The following ABTB2 variants were observed in gnomAD, a reference collection of about 807,000 sequenced individuals.
ABTB2 encodes ankyrin repeat and BTB/POZ domain-containing protein 2.
A neutral mutation model predicts 104.1 loss-of-function variants in ABTB2; 56 were observed. That is an observed-to-expected ratio of 0.54 (90% CI 0.43 to 0.67). The LOEUF is 0.67. Ranked by LOEUF, ABTB2 falls within the 30% of genes least tolerant of loss-of-function variation. The probability of loss-of-function intolerance (pLI) is 0.00; values close to 1 mark genes in which losing one functional copy is unlikely to be tolerated. For missense variants in ABTB2, 1,279 were observed against 1,407.7 expected (o/e 0.91, Z 1.46); for synonymous variants, 606 against 608.2 (o/e 1.00, Z 0.05).
chr11:34,303,164 G>A (rs577276182), intron 1 of ABTB2, among the ~76,000 whole-genome samples: 7 of 152,278 alleles, frequency 4.6e-5, no homozygotes, highest in Middle Eastern at 3.4e-3. Flanking sequence ...GATGGCAGTA[G>A]TCAGCTCACT....
intron 1 of ABTB2, among the ~76,000 whole-genome samples, chr11:34,308,887 AGAAAAG>A (rs1372714874): frequency 1.3e-5 from 2 of 149,302 alleles, no homozygotes; most frequent in Admixed American, 1.3e-4. Flanking sequence ...AAAAAAAAAA[AGAAAAG>A]AGAAAGAAAG....
chr11:34,272,137 A>T (rs1023891607), intron 1 of ABTB2, among the ~76,000 whole-genome samples: 1 of 152,232 alleles, frequency 6.6e-6, no homozygotes, highest in Non-Finnish European at 1.5e-5. Flanking sequence ...AGATAATGAT[A>T]GTACCCACAT....
intron 1 of ABTB2, among the ~76,000 whole-genome samples, chr11:34,270,340 C>CTTT (rs35884906): frequency 5.1e-5 from 7 of 137,412 alleles, no homozygotes; most frequent in African/African-American, 1.6e-4. Flanking sequence ...GACGGTTTTC[C>CTTT]TTTTTTTTTT....
At chr11:34,183,934 C>CG (rs34123328) in intron 3 of ABTB2, among the ~76,000 whole-genome samples, 1 of 152,100 alleles carries the variant, frequency 6.6e-6, no homozygotes, top group African/African-American at 2.4e-5. Flanking sequence ...AAACAAAAAA[C>CG]GGGGAGTTTT....
chr11:34,195,265 T>C (rs1853241066), intron 3 of ABTB2, among the ~76,000 whole-genome samples: 1 of 152,232 alleles, frequency 6.6e-6, no homozygotes, highest in Non-Finnish European at 1.5e-5. Flanking sequence ...GCAAGCCTCC[T>C]GCCTCTTCCT....
chr11:34,285,723 A>G (rs1336396811), intron 1 of ABTB2, among the ~76,000 whole-genome samples: 3 of 152,184 alleles, frequency 2.0e-5, no homozygotes, highest in Non-Finnish European at 4.4e-5. Context: ...CCACTCTCCC[A>G]GCATGGGCCT....
At chr11:34,295,753 T>G (rs530404473) in intron 1 of ABTB2, among the ~76,000 whole-genome samples, 18 of 152,260 alleles carry the variant, frequency 1.2e-4, no homozygotes, top group African/African-American at 4.3e-4. Context: ...TGGGTTCTGG[T>G]GAGGGCCCTC....
chr11:34,265,109 C>T (rs1363836018), intron 1 of ABTB2, among the ~76,000 whole-genome samples: 2 of 152,210 alleles, frequency 1.3e-5, no homozygotes, highest in East Asian at 3.8e-4. Flanking sequence ...GTCTATCCTT[C>T]CTAAGGAAGA....
At chr11:34,181,386 C>T (rs1235331556) in intron 3 of ABTB2, among the ~76,000 whole-genome samples, 1 of 152,198 alleles carries the variant, frequency 6.6e-6, no homozygotes, top group Non-Finnish European at 1.5e-5. Context: ...AGGCTCTGTT[C>T]TTCCCCGGGG....
At chr11:34,271,039 G>A (rs1854308123) in intron 1 of ABTB2, among the ~76,000 whole-genome samples, 1 of 152,130 alleles carries the variant, frequency 6.6e-6, no homozygotes, top group African/African-American at 2.4e-5. Context: ...TGATGGAGAT[G>A]AGACAGGGAG....
Position 34,173,177 on chromosome 11 carries a change from C to T in ABTB2, c.1375G>A (p.Asp459Asn), listed in dbSNP as rs1852909024. Residue 459 changes from aspartate to asparagine, a missense_variant, in exon 4 of 17, where the codon GAC becomes AAC. Asp to Asn is a conservative substitution (Grantham distance 23). Transcript: ENST00000435224. ...TACTTGAGCTGCCGAGGTTCACAGT[C>T]CAGACCAGGCAGCAGCAGCCGGGCT... ...QAARLLLPGLDCEPRQLKPEH... is the reference protein window; with the variant it reads ...QAARLLLPGLNCEPRQLKPEH... 4 of 1,613,692 alleles carry T rather than the reference C, an allele frequency of 2.5e-6. No homozygotes were observed. The highest frequency in any genetic ancestry group is 1.7e-5 in the Admixed American group (1 of 59,996).
At chr11:34,319,562 T>C (rs1416289990) in intron 1 of ABTB2, among the ~76,000 whole-genome samples, 1 of 152,256 alleles carries the variant, frequency 6.6e-6, no homozygotes, top group Non-Finnish European at 1.5e-5. Context: ...CAGCCAGACC[T>C]GAGCGTGAGC....
chr11:34,165,211 G>T (rs1207272801), intron 8 of ABTB2, 49 bp downstream of exon 8: 19 of 1,485,376 alleles, frequency 1.3e-5, no homozygotes. Context: ...CCAGGCTGGG[G>T]GGCACTGCAG....
intron 3 of ABTB2, among the ~76,000 whole-genome samples, chr11:34,185,488 G>A (rs1035989918): frequency 5.3e-5 from 8 of 152,238 alleles, no homozygotes; most frequent in African/African-American, 1.9e-4. Flanking sequence ...TGCCAGGTGG[G>A]TGTGAGGTTG....
At chr11:34,336,647 A>AC (rs959951985) in intron 1 of ABTB2, among the ~76,000 whole-genome samples, 4 of 152,096 alleles carry the variant, frequency 2.6e-5, no homozygotes, top group Non-Finnish European at 5.9e-5. Context: ...TGTCTCAAAA[A>AC]AAAACAAAAC....
chr11:34,309,786 A>G (rs754467388), intron 1 of ABTB2, among the ~76,000 whole-genome samples: 19 of 151,898 alleles, frequency 1.3e-4, no homozygotes, highest in South Asian at 2.1e-4. Flanking sequence ...AGAGGTGATC[A>G]GAGTCAAAAA....
chr11:34,272,446 G>A (rs1409701959), intron 1 of ABTB2, among the ~76,000 whole-genome samples: 2 of 151,922 alleles, frequency 1.3e-5, no homozygotes, highest in Non-Finnish European at 2.9e-5. Flanking sequence ...GGTGGCTCAC[G>A]CCTGTGATCC....
At chr11:34,172,393 AAAATAT>A (rs1852888850) in intron 4 of ABTB2, among the ~76,000 whole-genome samples, 7 of 28,168 alleles carry the variant, frequency 2.5e-4, no homozygotes, top group African/African-American at 6.0e-4. Context: ...AAAAAAAAAA[AAAATAT>A]ATATATATAT....
rs1205332671 is a variant in ABTB2, at chr11:34,182,502, G to GC, written c.1245-9196_1245-9195insG. Among the ~76,000 whole-genome samples the GC allele has an allele frequency of 7.7e-5, 10 of 129,252 alleles. 1 individual carries two copies. Among genetic ancestry groups the GC allele is most frequent in the African/African-American group, 3.0e-4 (10 of 33,058 alleles). 84.8% of individuals were successfully genotyped at this position (129,252 alleles called of 152,430 possible). A position where few individuals can be genotyped will look rare whatever the true frequency, so the allele number is the denominator to read the frequency against. ...AGGTGGGGCATTGGGTTCTCTGGGG[G>GC]GGGGGGGAAATTCACTTTTCCTATT... On this transcript the variant is annotated intron_variant, in intron 3 of 16. Coordinates refer to ENST00000435224, the MANE Select transcript of ABTB2 (RefSeq NM_145804.3).
Sources: gnomAD v4.1 joint callset for allele counts (sites outside exome capture counted in the v4.1 genomes callset) on GRCh38, gnomAD v4.1.1 for gene constraint, MANE v1.5 for transcripts, NCBI Gene and HGNC (gene_info 2026-07-23, HGNC 2026-07-21) for gene names.